PALM2AKAP2: variants seen among roughly 807,000 people sequenced by gnomAD.
The protein encoded by PALM2AKAP2 is PALM2-AKAP2 fusion protein.
A neutral mutation model predicts 71.5 loss-of-function variants in PALM2AKAP2; 37 were observed. That is an observed-to-expected ratio of 0.52 (90% CI 0.40 to 0.68). PALM2AKAP2 has a LOEUF of 0.68. Among genes scored for constraint, PALM2AKAP2 ranks in the 30% least tolerant of loss-of-function variants. The probability of loss-of-function intolerance (pLI) is 0.00; values close to 1 mark genes in which losing one functional copy is unlikely to be tolerated. For missense variants in PALM2AKAP2, 1,224 were observed against 1,191.8 expected, an observed-to-expected ratio of 1.03 and a Z score of -0.40; for synonymous variants, 468 against 478.8, an observed-to-expected ratio of 0.98 and a Z score of 0.29.
At chr9:110,093,322 T>C (rs1297546496) in intron 1 of PALM2AKAP2, among the ~76,000 whole-genome samples, 2 of 152,060 alleles carry the variant, frequency 1.3e-5, no homozygotes, top group East Asian at 1.9e-4. Flanking sequence ...ATAGTGGAAA[T>C]TGAGTGACTG....
chr9:110,137,122 C>T (rs1835899497), exon 2 of PALM2AKAP2: 3 of 1,613,456 alleles, frequency 1.9e-6, no homozygotes, highest in Non-Finnish European at 1.7e-6. Flanking sequence ...CATCGCAGCT[C>T]TGCACAGCCC....
At chr9:110,050,229 C>G (rs1038813242) in intron 1 of PALM2AKAP2, among the ~76,000 whole-genome samples, 11 of 152,186 alleles carry the variant, frequency 7.2e-5, no homozygotes, top group African/African-American at 2.4e-4. Context: ...GCCCATGTCT[C>G]CCGGGAAGCG....
At chr9:109,764,041 A>C (rs1476895838) in intron 1 of PALM2AKAP2, among the ~76,000 whole-genome samples, 22 of 152,188 alleles carry the variant, frequency 1.4e-4, no homozygotes, top group Admixed American at 1.4e-3. Context: ...TCTTTTGGAC[A>C]GCCACTATTC....
intron 1 of PALM2AKAP2, among the ~76,000 whole-genome samples, chr9:109,774,104 C>T (rs891974651): frequency 1.2e-4 from 18 of 152,196 alleles, no homozygotes; most frequent in African/African-American, 3.6e-4. Context: ...AGAATGTACA[C>T]GGCATTATTG....
chr9:109,738,567 A>G (rs1380960412), intron 1 of PALM2AKAP2, among the ~76,000 whole-genome samples: 3 of 152,192 alleles, frequency 2.0e-5, no homozygotes, highest in African/African-American at 7.2e-5. Context: ...ATTTAAAAAC[A>G]TTTCACTTAC....
chr9:109,664,006 C>A (rs1475222411), intron 1 of PALM2AKAP2, among the ~76,000 whole-genome samples: 2 of 152,164 alleles, frequency 1.3e-5, no homozygotes, highest in Non-Finnish European at 2.9e-5. Context: ...ACTAGGATTG[C>A]AACCCCTGCC....
At chr9:109,885,283 A>G (rs755525304) in intron 3 of PALM2AKAP2, among the ~76,000 whole-genome samples, 2 of 152,220 alleles carry the variant, frequency 1.3e-5, no homozygotes, top group Non-Finnish European at 2.9e-5. Flanking sequence ...TTTTGAGGGC[A>G]GCCCACGAAG....
chr9:110,038,537 T>C (rs893584434), intron 7 of PALM2AKAP2, among the ~76,000 whole-genome samples: 2 of 152,114 alleles, frequency 1.3e-5, no homozygotes, highest in African/African-American at 4.8e-5. Context: ...AGGTCACTGA[T>C]GACTTTGACA....
chr9:110,147,003 C>G (rs2119165198), intron 2 of PALM2AKAP2, among the ~76,000 whole-genome samples: 1 of 152,256 alleles, frequency 6.6e-6, no homozygotes, highest in Non-Finnish European at 1.5e-5. Flanking sequence ...GTAATCCCAG[C>G]ACTTTGGGAG....
chr9:110,067,206 A>T (rs1210426322), intron 1 of PALM2AKAP2, among the ~76,000 whole-genome samples: 2 of 152,188 alleles, frequency 1.3e-5, no homozygotes, highest in African/African-American at 4.8e-5. Flanking sequence ...CAGTGCTATC[A>T]TGGCTGATCT....
intron 1 of PALM2AKAP2, among the ~76,000 whole-genome samples, chr9:110,112,937 G>C (rs1002637137): frequency 1.3e-5 from 2 of 152,194 alleles, no homozygotes; most frequent in African/African-American, 4.8e-5. Context: ...GCTCAACAAA[G>C]GTTATGAGCA....
intron 1 of PALM2AKAP2, among the ~76,000 whole-genome samples, chr9:109,649,159 T>G (rs547987254): frequency 1.8e-4 from 28 of 152,302 alleles, no homozygotes; most frequent in East Asian, 1.9e-4. Flanking sequence ...TGTTGTTGTT[T>G]TTTTTTTCTG....
At chr9:109,693,634 C>A (rs1002213221) in intron 1 of PALM2AKAP2, among the ~76,000 whole-genome samples, 9 of 152,010 alleles carry the variant, frequency 5.9e-5, no homozygotes, top group African/African-American at 2.2e-4. Context: ...ATAATTGTAA[C>A]ACACTGTGTT....
At chr9:110,170,435 G>C (rs879438345) in exon 4 of PALM2AKAP2, 8 of 152,512 alleles carry the variant, frequency 5.2e-5, no homozygotes, top group African/African-American at 9.6e-5. Flanking sequence ...GTTGACTTTG[G>C]GGGGGGACAT....
At chr9:109,954,903 C>T (rs1188273834) in intron 6 of PALM2AKAP2, among the ~76,000 whole-genome samples, 4 of 152,102 alleles carry the variant, frequency 2.6e-5, no homozygotes, top group Admixed American at 6.5e-5. Flanking sequence ...CAATAATAGC[C>T]TGTTCTCCCC....
At chr9:110,152,879 T>C (rs1204983435) in intron 2 of PALM2AKAP2, among the ~76,000 whole-genome samples, 1 of 152,236 alleles carries the variant, frequency 6.6e-6, no homozygotes, top group Non-Finnish European at 1.5e-5. Context: ...GGAGCCTGGC[T>C]GAGCTAGCTT....
chr9:109,691,833 G>GAGATATATATAT (rs1435538407), intron 1 of PALM2AKAP2, among the ~76,000 whole-genome samples: 1 of 36,042 alleles, frequency 2.8e-5, no homozygotes, highest in African/African-American at 1.1e-4. Context: ...CCAGAAAGAC[G>GAGATATATATAT]ATATATATAT....
intron 6 of PALM2AKAP2, among the ~76,000 whole-genome samples, chr9:109,995,141 C>T (rs1818175982): frequency 6.6e-6 from 1 of 152,106 alleles, no homozygotes; most frequent in Non-Finnish European, 1.5e-5. Flanking sequence ...CCATAGGTGA[C>T]CTGACACTGC....
intron 1 of PALM2AKAP2, among the ~76,000 whole-genome samples, chr9:109,703,463 C>T (rs1828094947): frequency 6.6e-6 from 1 of 151,944 alleles, no homozygotes; most frequent in Admixed American, 6.6e-5. Flanking sequence ...TATGATAATT[C>T]TATTATGTCC....
Sources: gnomAD v4.1 joint callset for allele counts (sites outside exome capture counted in the v4.1 genomes callset) on GRCh38, gnomAD v4.1.1 for gene constraint, MANE v1.5 for transcripts, NCBI Gene and HGNC (gene_info 2026-07-23, HGNC 2026-07-21) for gene names.